PITPNC1: variants seen among roughly 807,000 people sequenced by gnomAD.
PITPNC1 encodes the protein cytoplasmic phosphatidylinositol transfer protein 1.
A neutral mutation model predicts 44.7 loss-of-function variants in PITPNC1; 18 were observed. The observed-to-expected ratio is 0.40, with a 90% CI of 0.28 to 0.60. The LOEUF is 0.60. PITPNC1 is among the 20% of genes least tolerant of loss of function. The probability of loss-of-function intolerance (pLI) is 0.39; values close to 1 mark genes in which losing one functional copy is unlikely to be tolerated. For synonymous variants in PITPNC1, 141 were observed against 149.6 expected (o/e 0.94, Z 0.42); for missense variants, 290 against 418.4 (o/e 0.69, Z 2.68).
chr17:67,578,160 A>G (rs1175803804), intron 4 of PITPNC1, 26 bp from the exon 5 acceptor site: 5 of 1,486,626 alleles, frequency 3.4e-6, no homozygotes, highest in South Asian at 1.1e-5. Context: ...ATGTTATGCT[A>G]ATGAAAATTT....
chr17:67,389,635 T>C (rs1266867661), intron 1 of PITPNC1, among the ~76,000 whole-genome samples: 1 of 152,178 alleles, frequency 6.6e-6, no homozygotes, highest in Non-Finnish European at 1.5e-5. Context: ...TGAATTGGTA[T>C]GTAAAGTACA....
At chr17:67,664,359 T>C (rs958255894) in intron 6 of PITPNC1, among the ~76,000 whole-genome samples, 6 of 152,218 alleles carry the variant, frequency 3.9e-5, no homozygotes, top group Non-Finnish European at 7.3e-5. Context: ...GGTAGCTCTG[T>C]TTTAAGTTCT....
intron 1 of PITPNC1, among the ~76,000 whole-genome samples, chr17:67,504,439 G>C (rs1448277559): frequency 6.6e-6 from 1 of 152,118 alleles, no homozygotes; most frequent in African/African-American, 2.4e-5. Context: ...GCTATTCCAG[G>C]AACTAGTAGC....
intron 4 of PITPNC1, among the ~76,000 whole-genome samples, chr17:67,575,500 C>T (rs1016020378): frequency 6.6e-6 from 1 of 152,186 alleles, no homozygotes; most frequent in African/African-American, 2.4e-5. Context: ...AAGACAGATG[C>T]GTGCTGAACG....
chr17:67,378,148 C>T lies in PITPNC1; in HGVS notation c.-7C>T. 3 of 1,536,648 alleles carry T rather than the reference C, an allele frequency of 2.0e-6. No homozygotes were observed. Among genetic ancestry groups the T allele is most frequent in the South Asian group, 2.4e-5 (2 of 82,990 alleles). On this transcript the variant is annotated 5_prime_UTR_variant, in exon 1 of 9. Transcript: ENST00000581322. ...TCCCGCCCCGGGGGTCCGCGGCCGG[C>T]AGGACCATGCTGCTGAAAGAGTACC...
At chr17:67,406,004 C>G (rs562925188) in intron 1 of PITPNC1, among the ~76,000 whole-genome samples, 1 of 152,148 alleles carries the variant, frequency 6.6e-6, no homozygotes, top group South Asian at 2.1e-4. Context: ...CTATTTTTTC[C>G]TAGTAACTTT....
chr17:67,653,884 G>A (rs1330509924), intron 6 of PITPNC1, among the ~76,000 whole-genome samples: 1 of 152,210 alleles, frequency 6.6e-6, no homozygotes, highest in Non-Finnish European at 1.5e-5. Context: ...CCCTTCACAA[G>A]GAGAGCTTGT....
At chr17:67,502,855 C>T (rs867698968) in intron 1 of PITPNC1, among the ~76,000 whole-genome samples, 7 of 151,672 alleles carry the variant, frequency 4.6e-5, no homozygotes, top group African/African-American at 1.2e-4. Flanking sequence ...TATAGTGGCG[C>T]GATCTTGGCT....
At chr17:67,391,687 G>A (rs1383363093) in intron 1 of PITPNC1, among the ~76,000 whole-genome samples, 2 of 152,028 alleles carry the variant, frequency 1.3e-5, no homozygotes, top group African/African-American at 2.4e-5. Flanking sequence ...CACCAGGTTG[G>A]CCAGGCTGGT....
intron 1 of PITPNC1, among the ~76,000 whole-genome samples, chr17:67,497,562 CTG>C (rs1233779100): frequency 1.9e-5 from 2 of 108,058 alleles, no homozygotes; most frequent in African/African-American, 7.3e-5. Flanking sequence ...GATGGGGTCT[CTG>C]TTGCCCAAGC....
chr17:67,434,963 G>T (rs1392391832), intron 1 of PITPNC1, among the ~76,000 whole-genome samples: 3 of 151,724 alleles, frequency 2.0e-5, no homozygotes, highest in Admixed American at 1.3e-4. Flanking sequence ...ACAAAAATTA[G>T]CTGGGCATGG....
chr17:67,575,865 TCTTTCTTTCTTTCC>T (rs2041140251), intron 4 of PITPNC1, among the ~76,000 whole-genome samples: 16 of 30,472 alleles, frequency 5.3e-4, no homozygotes, highest in East Asian at 1.4e-3. Context: ...TTTCCTTCCT[TCTTTCTTTCTTTCC>T]TTTTTTTTTT....
chr17:67,433,170 C>G (rs971951611), intron 1 of PITPNC1, among the ~76,000 whole-genome samples: 3 of 152,172 alleles, frequency 2.0e-5, no homozygotes, highest in African/African-American at 7.2e-5. Context: ...GGTTCTCCCT[C>G]TTCTGCTTTC....
chr17:67,405,363 G>A (rs1365288546), intron 1 of PITPNC1, among the ~76,000 whole-genome samples: 1 of 151,740 alleles, frequency 6.6e-6, no homozygotes. Context: ...GCTGCAGTGA[G>A]CTGTGATTGT....
chr17:67,436,737 A>T (rs1217291638), intron 1 of PITPNC1, among the ~76,000 whole-genome samples: 2 of 151,750 alleles, frequency 1.3e-5, no homozygotes, highest in Non-Finnish European at 2.9e-5. Flanking sequence ...AGGGTCTTGG[A>T]TTTGTGTGGA....
chr17:67,687,065 G>A, intron 8 of PITPNC1: 4 of 1,578,422 alleles, frequency 2.5e-6, no homozygotes, highest in Non-Finnish European at 2.6e-6. Flanking sequence ...ACCTCTTTCA[G>A]ATATGACAAT....
chr17:67,400,794 T>C (rs1467529764), intron 1 of PITPNC1, among the ~76,000 whole-genome samples: 1 of 150,002 alleles, frequency 6.7e-6, no homozygotes, highest in African/African-American at 2.4e-5. Context: ...TACATATAAC[T>C]ATATATAATA....
intron 6 of PITPNC1, among the ~76,000 whole-genome samples, chr17:67,646,591 C>T (rs990086473): frequency 9.9e-5 from 15 of 152,182 alleles, no homozygotes; most frequent in South Asian, 2.1e-4. Flanking sequence ...GATGCAACCA[C>T]GGCTCACCGC....
intron 2 of PITPNC1, among the ~76,000 whole-genome samples, chr17:67,545,623 A>T (rs1471979710): frequency 6.6e-6 from 1 of 152,224 alleles, no homozygotes. Context: ...TTATTCATTT[A>T]TTTTTATTTT....
Sources: allele counts gnomAD v4.1 joint callset (sites outside exome capture counted in the v4.1 genomes callset), GRCh38; gene constraint gnomAD v4.1.1; transcripts MANE v1.5; gene names NCBI Gene and HGNC (gene_info 2026-07-23, HGNC 2026-07-21).